Variants in COLQ observed in about 807,000 individuals in gnomAD.
The protein encoded by COLQ is acetylcholinesterase collagenic tail peptide.
Under a neutral mutation model 69.0 loss-of-function variants are expected in COLQ, and 48 were observed. The observed-to-expected ratio is 0.70, with a 90% CI of 0.55 to 0.88. The LOEUF (loss-of-function observed/expected upper bound fraction) is 0.88. Ranked by LOEUF, COLQ falls within the 40% of genes least tolerant of loss-of-function variation. COLQ has a pLI of 0.00. For missense variants in COLQ, 618 were observed against 594.6 expected, an observed-to-expected ratio of 1.04 and a Z score of -0.41; for synonymous variants, 217 against 211.2, an observed-to-expected ratio of 1.03 and a Z score of -0.24.
intron 1 of COLQ, among the ~76,000 whole-genome samples, chr3:15,505,886 T>C (rs1355691117): frequency 6.6e-6 from 1 of 152,240 alleles, no homozygotes; most frequent in East Asian, 1.9e-4. Context: ...CTATAGGCAC[T>C]TGTAATTCAA....
At position 15,479,220 on chromosome 3, in the gene COLQ, A is replaced by C. The variant is rs1003785032; in HGVS notation, c.366+118T>G. The C allele has an allele frequency of 4.0e-5, 49 of 1,227,332 alleles. No homozygotes were observed. The Admixed American group carries it at 5.5e-4, about 14-fold the overall frequency. The allele number at this position is 1,227,332 out of a possible 1,614,324, so 76.0% of individuals were successfully genotyped here. On this transcript the variant is annotated intron_variant, in intron 4 of 16. Coordinates refer to ENST00000383788, the MANE Select transcript of COLQ (RefSeq NM_005677.4). ...CAGCCATCATGGAACCCAGCCTCTCACCAAGGCAGAGTTAGCACATGTTTG... is the reference window on the plus strand; with the variant it reads ...CAGCCATCATGGAACCCAGCCTCTCCCCAAGGCAGAGTTAGCACATGTTTG...
chr3:15,474,857 C>G, intron 8 of COLQ, 68 bp downstream of exon 8: 1 of 1,567,656 alleles, frequency 6.4e-7, no homozygotes, highest in Non-Finnish European at 8.8e-7. Context: ...CCATTCTCTG[C>G]ATGTCTCTGA....
chr3:15,459,862 T>C (rs2062082186), intron 12 of COLQ, among the ~76,000 whole-genome samples: 1 of 152,058 alleles, frequency 6.6e-6, no homozygotes, highest in Admixed American at 6.6e-5. Context: ...TAGTTACATA[T>C]GTATACATGT....
intron 16 of COLQ, among the ~76,000 whole-genome samples, chr3:15,453,099 A>G (rs1342999814): frequency 6.6e-6 from 1 of 152,188 alleles, no homozygotes; most frequent in Non-Finnish European, 1.5e-5. Flanking sequence ...CTGGTTCTGT[A>G]AGGACTGGGG....
In COLQ at chr3:15,478,386, C is replaced by T. The variant is rs139113304; in HGVS notation, c.393+591G>A. On this transcript the variant is annotated intron_variant, in intron 5 of 16. Transcript: ENST00000383788. Reference sequence around the variant, plus strand: ...CATCTTTCTTGGCCAAAGTTTTGCACGCTTGTCTATAACCAAGACCTAGAA... The same window carrying T: ...CATCTTTCTTGGCCAAAGTTTTGCATGCTTGTCTATAACCAAGACCTAGAA... 1.3e-3 allele frequency among the ~76,000 whole-genome samples: 204 copies of T among 152,282 alleles called. 1 individual carries two copies. The highest frequency in any genetic ancestry group is 4.5e-3 in the African/African-American group (185 of 41,560).
At chr3:15,477,455 G>A (rs2125120208) in intron 5 of COLQ, 1 of 489,962 alleles carries the variant, frequency 2.0e-6, no homozygotes, top group Non-Finnish European at 3.7e-6. Flanking sequence ...TTTAATTTTT[G>A]TCACTTCTAC....
chr3:15,508,706 CCA>C (rs1223564105), intron 1 of COLQ, among the ~76,000 whole-genome samples: 1 of 152,108 alleles, frequency 6.6e-6, no homozygotes, highest in African/African-American at 2.4e-5. Context: ...GTGTCTGTTT[CCA>C]CACACCTTCA....
At chr3:15,503,097 G>T (rs934389037) in intron 1 of COLQ, among the ~76,000 whole-genome samples, 5 of 152,140 alleles carry the variant, frequency 3.3e-5, no homozygotes, top group African/African-American at 1.2e-4. Context: ...GCTGACCCTT[G>T]GTGATGGCTC....
At chr3:15,497,274 C>A (rs1484259051) in intron 1 of COLQ, among the ~76,000 whole-genome samples, 2 of 151,982 alleles carry the variant, frequency 1.3e-5, no homozygotes, top group Non-Finnish European at 2.9e-5. Context: ...GAACTCCTGA[C>A]CTCAGGTGAT....
intron 15 of COLQ, 62 bp downstream of exon 15, chr3:15,455,837 G>T: frequency 6.2e-7 from 1 of 1,608,542 alleles, no homozygotes; most frequent in Non-Finnish European, 8.5e-7. Context: ...TCCAGGGCTG[G>T]CCCTGAGTCC....
At chr3:15,456,046 C>T in intron 14 of COLQ, 27 bp from the exon 15 acceptor site, 1 of 1,613,710 alleles carries the variant, frequency 6.2e-7, no homozygotes, top group East Asian at 2.2e-5. Context: ...ACAGCATTAA[C>T]TGGAGCATGG....
intron 1 of COLQ, among the ~76,000 whole-genome samples, chr3:15,511,634 T>A (rs2062986498): frequency 6.6e-6 from 1 of 152,204 alleles, no homozygotes; most frequent in African/African-American, 2.4e-5. Flanking sequence ...TTCCCTACCA[T>A]GACCTTGCTC....
At chr3:15,506,006 G>C (rs568799766) in intron 1 of COLQ, among the ~76,000 whole-genome samples, 1 of 152,294 alleles carries the variant, frequency 6.6e-6, no homozygotes, top group African/African-American at 2.4e-5. Context: ...AGGGAGGCTG[G>C]GTTCCTGGGA....
chr3:15,487,428 A>G (rs2062592652), intron 3 of COLQ, among the ~76,000 whole-genome samples: 1 of 152,230 alleles, frequency 6.6e-6, no homozygotes, highest in Non-Finnish European at 1.5e-5. Flanking sequence ...TACAGGCCGG[A>G]GTCCCCTCTT....
chr3:15,494,804 T>G (rs530659993), intron 1 of COLQ, among the ~76,000 whole-genome samples: 17 of 152,290 alleles, frequency 1.1e-4, no homozygotes, highest in Middle Eastern at 6.8e-3. Flanking sequence ...AGGAGCCAGC[T>G]TTTATCCCCA....
chr3:15,486,998 A>G (rs2062585453), intron 3 of COLQ, among the ~76,000 whole-genome samples: 1 of 152,202 alleles, frequency 6.6e-6, no homozygotes, highest in African/African-American at 2.4e-5. Context: ...TTGCCGCAGG[A>G]TTTGATCCAC....
Position 15,474,263 on chromosome 3 carries a change from C to T in COLQ, c.565G>A (p.Gly189Ser), listed in dbSNP as rs1389308537. 26 of 1,613,854 alleles carry T rather than the reference C, an allele frequency of 1.6e-5. No homozygotes were observed. Among genetic ancestry groups the T allele is most frequent in the Non-Finnish European group, 2.1e-5 (25 of 1,179,844 alleles). ...PGSRGEKGSR[G>S]EKGDLGPKGE... ...TTGGGACCCAGGTCACCCTTTTCACCTCTGGATCCCTAGGAAGAAACCATA... is the reference window on the plus strand; with the variant it reads ...TTGGGACCCAGGTCACCCTTTTCACTTCTGGATCCCTAGGAAGAAACCATA... Residue 189 changes from glycine to serine, a missense_variant, in exon 9 of 17, where the codon GGT becomes AGT. Gly to Ser is a moderately conservative substitution (Grantham distance 56). Transcript: ENST00000383788.
rs144621591 is a variant in COLQ at position 15,451,638 on chromosome 3, C to G, written c.*6G>C. The G allele has an allele frequency of 6.2e-7, 1 of 1,613,734 alleles. No individual in the cohort carries two copies. On this transcript the variant is annotated 3_prime_UTR_variant, in exon 17 of 17. Coordinates refer to ENST00000383788, the MANE Select transcript of COLQ (RefSeq NM_005677.4). ...TGGGGCGCAGCCCACCTTCTCCTCA[C>G]GGCCCTCAGGTGAAGTAGCGGCAGG... is the stretch of plus-strand genomic sequence containing the variant.
At chr3:15,496,989 C>T (rs559043333) in intron 1 of COLQ, among the ~76,000 whole-genome samples, 1 of 149,112 alleles carries the variant, frequency 6.7e-6, no homozygotes, top group South Asian at 2.1e-4. Flanking sequence ...GTTTCCTCAT[C>T]TGTACCACAA....
Sources: gnomAD v4.1 joint callset for allele counts (sites outside exome capture counted in the v4.1 genomes callset) on GRCh38, gnomAD v4.1.1 for gene constraint, MANE v1.5 for transcripts, NCBI Gene and HGNC (gene_info 2026-07-23, HGNC 2026-07-21) for gene names.